CCDC85A: variants seen among roughly 807,000 people sequenced by gnomAD.
CCDC85A encodes the protein coiled-coil domain containing 85A, also known as coiled-coil domain-containing protein 85A.
CCDC85A carries 38 observed loss-of-function variants against 50.2 expected under a neutral mutation model. The ratio of observed to expected loss-of-function variants is 0.76; its 90% CI spans 0.58 to 0.99. The LOEUF is 0.99. CCDC85A is among the 50% of genes least tolerant of loss of function. The probability of loss-of-function intolerance (pLI) is 0.00; values close to 1 mark genes in which losing one functional copy is unlikely to be tolerated. For missense variants in CCDC85A, 820 were observed against 742.0 expected, an observed-to-expected ratio of 1.11 and a Z score of -1.22; for synonymous variants, 366 against 301.4, an observed-to-expected ratio of 1.21 and a Z score of -2.22.
Position 56,184,448 on chromosome 2 carries a change from C to T in CCDC85A, c.-177C>T. On this transcript the variant is annotated 5_prime_UTR_variant, in exon 1 of 6. Coordinates refer to ENST00000407595, the MANE Select transcript of CCDC85A (RefSeq NM_001080433.2). ...AGCGCGGGCGCGCGCGCGGGGATGG[C>T]GAGGTAGGATGGCCACCCAGCGCGA... 1.5e-6 allele frequency: 1 copy of T among 660,752 alleles called. No individual in the cohort carries two copies. Among genetic ancestry groups the T allele is most frequent in the Non-Finnish European group, 2.1e-6 (1 of 477,600 alleles). The allele number at this position is 660,752 out of a possible 1,614,324, so 40.9% of individuals were successfully genotyped here. A position where few individuals can be genotyped will look rare whatever the true frequency, so the allele number is the denominator to read the frequency against.
At chr2:56,377,577 G>A (rs1317729505) in intron 5 of CCDC85A, among the ~76,000 whole-genome samples, 1 of 152,120 alleles carries the variant, frequency 6.6e-6, no homozygotes, top group Non-Finnish European at 1.5e-5. Flanking sequence ...TAAAAGGAAG[G>A]GGAGGGCAAG....
At chr2:56,348,061 C>T (rs1449749922) in intron 3 of CCDC85A, among the ~76,000 whole-genome samples, 1 of 152,198 alleles carries the variant, frequency 6.6e-6, no homozygotes, top group Non-Finnish European at 1.5e-5. Context: ...AAACTATTCT[C>T]ACCTATTTTG....
rs147299476 is a variant in CCDC85A, at chr2:56,283,251, C to G, written c.1241-59628C>G. Among the ~76,000 whole-genome samples, 944 of 152,230 alleles carry G rather than the reference C, an allele frequency of 6.2e-3. 32 individuals are homozygous for G. Among genetic ancestry groups the G allele is most frequent in the Admixed American group, 0.055 (848 of 15,288 alleles). On this transcript the variant is annotated intron_variant, in intron 2 of 5. Coordinates refer to ENST00000407595, the MANE Select transcript of CCDC85A (RefSeq NM_001080433.2). ...AAGCATTCAGTATTTCACAGTGTTA[C>G]TTGTCACTTTTTGTAGATATTCTTC... is the stretch of plus-strand genomic sequence containing the variant.
intron 3 of CCDC85A, among the ~76,000 whole-genome samples, chr2:56,355,418 C>A (rs1002001110): frequency 5.3e-5 from 8 of 152,290 alleles, no homozygotes; most frequent in African/African-American, 1.7e-4. Context: ...CTATTTCTTA[C>A]CTTTGGGAGA....
intron 2 of CCDC85A, among the ~76,000 whole-genome samples, chr2:56,231,055 T>G (rs1668752151): frequency 6.6e-6 from 1 of 152,180 alleles, no homozygotes; most frequent in Admixed American, 6.5e-5. Flanking sequence ...GCATAAGATT[T>G]AGGAGCAAGC....
At chr2:56,227,074 A>T (rs1016674448) in intron 2 of CCDC85A, among the ~76,000 whole-genome samples, 5 of 152,132 alleles carry the variant, frequency 3.3e-5, no homozygotes, top group African/African-American at 1.2e-4. Flanking sequence ...TTATGTCTTT[A>T]GTAACTTGAG....
At chr2:56,331,408 TA>T (rs1427481016) in intron 2 of CCDC85A, among the ~76,000 whole-genome samples, 3 of 152,178 alleles carry the variant, frequency 2.0e-5, no homozygotes, top group African/African-American at 7.2e-5. Context: ...AAAATTAAAT[TA>T]AAAACAAATT....
At chr2:56,381,358 T>C (rs1573380017) in intron 5 of CCDC85A, among the ~76,000 whole-genome samples, 1 of 152,026 alleles carries the variant, frequency 6.6e-6, no homozygotes, top group East Asian at 1.9e-4. Context: ...GACTATGGAA[T>C]GAGAGAGAAA....
intron 5 of CCDC85A, among the ~76,000 whole-genome samples, chr2:56,381,140 CTAAGT>C (rs1269554520): frequency 6.6e-6 from 1 of 152,100 alleles, no homozygotes; most frequent in Non-Finnish European, 1.5e-5. Context: ...CCCACCCTTC[CTAAGT>C]TATTTGTTTT....
At chr2:56,277,948 A>G (rs778784052) in intron 2 of CCDC85A, among the ~76,000 whole-genome samples, 7 of 152,210 alleles carry the variant, frequency 4.6e-5, no homozygotes, top group Non-Finnish European at 1.0e-4. Context: ...GGAAAGCAAC[A>G]GAGGCCACAG....
chr2:56,197,982 G>A (rs904723436), intron 2 of CCDC85A, among the ~76,000 whole-genome samples: 6 of 152,132 alleles, frequency 3.9e-5, no homozygotes, highest in Non-Finnish European at 5.9e-5. Context: ...TGCCGGCAAT[G>A]CTAATGGGTA....
intron 3 of CCDC85A, among the ~76,000 whole-genome samples, chr2:56,347,257 G>A (rs549793354): frequency 1.3e-5 from 2 of 152,222 alleles, no homozygotes; most frequent in South Asian, 2.1e-4. Flanking sequence ...GGTTAGGAGC[G>A]TCCTCCTGTC....
intron 2 of CCDC85A, among the ~76,000 whole-genome samples, chr2:56,318,980 A>G (rs78488065): frequency 1.3e-5 from 2 of 152,224 alleles, no homozygotes; most frequent in South Asian, 2.1e-4. Context: ...TTGTGCACCA[A>G]TGATGATTGT....
intron 2 of CCDC85A, among the ~76,000 whole-genome samples, chr2:56,277,104 C>CT (rs1411612570): frequency 1.3e-5 from 2 of 152,260 alleles, no homozygotes; most frequent in East Asian, 1.9e-4. Context: ...GCTTTGATGA[C>CT]TTTTTTCATT....
chr2:56,237,246 C>G (rs1669059733), intron 2 of CCDC85A, among the ~76,000 whole-genome samples: 1 of 152,134 alleles, frequency 6.6e-6, no homozygotes, highest in Admixed American at 6.5e-5. Context: ...CTTTAGATTA[C>G]TGGCGTGTCT....
chr2:56,314,674 GAT>G (rs905132493), intron 2 of CCDC85A, among the ~76,000 whole-genome samples: 1 of 152,116 alleles, frequency 6.6e-6, no homozygotes, highest in African/African-American at 2.4e-5. Flanking sequence ...AATTGGAAGG[GAT>G]ATAGCTTGGA....
intron 2 of CCDC85A, among the ~76,000 whole-genome samples, chr2:56,310,158 C>CT (rs1273351008): frequency 6.6e-6 from 1 of 152,094 alleles, no homozygotes; most frequent in East Asian, 1.9e-4. Context: ...TTAACCTACA[C>CT]TTAGAGTTTA....
chr2:56,234,195 A>G (rs1354686399), intron 2 of CCDC85A, among the ~76,000 whole-genome samples: 2 of 152,178 alleles, frequency 1.3e-5, no homozygotes, highest in Non-Finnish European at 2.9e-5. Context: ...CCATGAGCCC[A>G]TAGACTTTCA....
chr2:56,320,005 C>G (rs534001405), intron 2 of CCDC85A, among the ~76,000 whole-genome samples: 6 of 152,300 alleles, frequency 3.9e-5, no homozygotes, highest in African/African-American at 1.4e-4. Context: ...CGCTCAACTA[C>G]ATGGAAACTG....
Sources: gnomAD v4.1 joint callset for allele counts (sites outside exome capture counted in the v4.1 genomes callset) on GRCh38, gnomAD v4.1.1 for gene constraint, MANE v1.5 for transcripts, NCBI Gene and HGNC (gene_info 2026-07-23, HGNC 2026-07-21) for gene names.